Variants in PLEKHG6 observed in about 807,000 individuals in gnomAD.
PLEKHG6 encodes the protein pleckstrin homology domain-containing family G member 6.
PLEKHG6 carries 91 observed loss-of-function variants against 97.5 expected under a neutral mutation model. The observed-to-expected ratio is 0.93, with a 90% CI of 0.79 to 1.11. The LOEUF is 1.11. PLEKHG6 is among the 50% of genes most tolerant of loss of function. The pLI, the probability that PLEKHG6 is intolerant of heterozygous loss-of-function variation, is 0.00. For synonymous variants in PLEKHG6, 466 were observed against 425.5 expected, an observed-to-expected ratio of 1.10 and a Z score of -1.17; for missense variants, 1,044 against 1,031.0, an observed-to-expected ratio of 1.01 and a Z score of -0.17.
intron 13 of PLEKHG6, among the ~76,000 whole-genome samples, chr12:6,319,975 C>A (rs79802008): frequency 5.3e-4 from 81 of 152,198 alleles, no homozygotes; most frequent in African/African-American, 1.6e-3. Flanking sequence ...GGGAGGATAC[C>A]TAGGAGTATG....
intron 2 of PLEKHG6, chr12:6,312,577 C>T (rs954948797): frequency 7.7e-5 from 96 of 1,250,080 alleles, no homozygotes; most frequent in Non-Finnish European, 9.5e-5. Flanking sequence ...GCAGGAGAGG[C>T]GGAGCCAGGA....
In PLEKHG6 at chr12:6,315,797, TGGTGGGG is replaced by T; in HGVS notation, c.556-65_556-59del. 1 of 1,366,218 alleles carries T rather than the reference TGGTGGGG, an allele frequency of 7.3e-7. No homozygotes were observed. Among genetic ancestry groups the T allele is most frequent in the Non-Finnish European group, 1.0e-6 (1 of 988,966 alleles). The allele number at this position is 1,366,218 out of a possible 1,614,324, so 84.6% of individuals were successfully genotyped here. On this transcript the variant is annotated intron_variant, in intron 5 of 15. Coordinates refer to ENST00000684764, the MANE Select transcript of PLEKHG6 (RefSeq NM_001384598.1). This position sits in a 1 kb window ranked among gnomAD's most constrained non-coding sequence, Gnocchi z 4.5. ...GGAGATAGGTCAGCAGTACTGAAGT[TGGTGGGG>T]GGTGGGAGGTGACGACACTGAAGGG...
In PLEKHG6 at chr12:6,317,581, T is replaced by G. The variant is rs141245660; in HGVS notation, c.902T>G (p.Met301Arg). The change falls in exon 9 of 16, where the codon ATG becomes AGG. Residue 301 changes from methionine (M) to arginine (R), a missense_variant. Met to Arg is a moderately conservative substitution (Grantham distance 91). Transcript: ENST00000684764. ...CEKHKRSGRQ[M>R]LCDLLIKPHQ... ...AAGCACAAGCGCTCTGGGAGGCAGA[T>G]GCTCTGTGACTTGCTTATCAAGCCC... The G allele has an allele frequency of 4.8e-4, 767 of 1,613,738 alleles. 12 individuals are homozygous for G. In the East Asian group the frequency reaches 0.016, roughly 33 times the overall value.
chr12:6,316,541 A>C lies in PLEKHG6; in HGVS notation c.756+137A>C. The C allele has an allele frequency of 4.2e-6, 3 of 712,664 alleles. No homozygotes were observed. Among genetic ancestry groups the C allele is most frequent in the African/African-American group, 1.8e-5 (1 of 55,306 alleles). The allele number at this position is 712,664 out of a possible 1,614,324, so 44.1% of individuals were successfully genotyped here. ...GGACACAGCCCCTACCCCTAATATC[A>C]CCTCACCTCCTCCCTTCATGCCACA... On this transcript the variant is annotated intron_variant, in intron 7 of 15. Coordinates refer to ENST00000684764, the MANE Select transcript of PLEKHG6 (RefSeq NM_001384598.1). This position sits in a 1 kb window ranked among gnomAD's most constrained non-coding sequence, Gnocchi z 4.1.
At chr12:6,318,075 A>G in intron 10 of PLEKHG6, 81 bp downstream of exon 10, 2 of 1,461,768 alleles carry the variant, frequency 1.4e-6, no homozygotes, top group Non-Finnish European at 9.2e-7. Flanking sequence ...AGGCCAGAAC[A>G]CCCCGTACTT....
intron 10 of PLEKHG6, 41 bp downstream of exon 10, chr12:6,318,035 C>A: frequency 6.5e-7 from 1 of 1,548,762 alleles, no homozygotes; most frequent in Non-Finnish European, 8.7e-7. Flanking sequence ...AAGCAAGGTC[C>A]CAGGGATACT....
In PLEKHG6 at chr12:6,319,213, T is replaced by C. The variant is rs957462253; in HGVS notation, c.1524+105T>C. ...CTGTAATCTCAGCACTTTGGGAGGC[T>C]GAGGCAGGTGGATCACCTGAGGTCA... On this transcript the variant is annotated intron_variant, in intron 13 of 15. Coordinates refer to ENST00000684764, the MANE Select transcript of PLEKHG6 (RefSeq NM_001384598.1). The C allele has an allele frequency of 2.2e-5, 16 of 743,550 alleles. No homozygotes were observed. In the African/African-American group the frequency reaches 2.5e-4, roughly 11 times the overall value. 46.1% of individuals were successfully genotyped at this position (743,550 alleles called of 1,614,324 possible). A position where few individuals can be genotyped will look rare whatever the true frequency, so the allele number is the denominator to read the frequency against.
chr12:6,312,705 T>C, intron 2 of PLEKHG6: 4 of 1,170,392 alleles, frequency 3.4e-6, no homozygotes, highest in Non-Finnish European at 4.2e-6. Flanking sequence ...GGCAGGAGTT[T>C]GAGGCCTTCC....
rs760331197 is a variant in PLEKHG6 at position 6,319,070 on chromosome 12, G to C, written c.1486G>C (p.Asp496His). The change falls in exon 13 of 16, where the codon GAC (aspartate) becomes CAC (histidine). Residue 496 changes from aspartate (D) to histidine (H), a missense_variant. Transcript: ENST00000684764. The part of the protein sequence containing the change: ...ALLVHCPSPT[D>H]RAQWLEKTQQ... ...CCTTGTGCACTGTCCCAGTCCTACA[G>C]ACCGTGCCCAGTGGCTGGAGAAGAC... The C allele has an allele frequency of 6.2e-7, 1 of 1,610,558 alleles. No homozygotes were observed. The highest frequency in any genetic ancestry group is 8.5e-7 in the Non-Finnish European group (1 of 1,177,144).
Position 6,312,316 on chromosome 12 carries a change from T to G in PLEKHG6, c.90T>G (p.Ser30=). The part of the protein sequence containing the change: ...IETYGGRHRA[S]AQSTAGRLYP... ...CTTATGGGGGCCGGCATCGAGCCTC[T>G]GCTCAGAGCACTGCTGGCAGACTCT... The change falls in exon 2 of 16, where the codon TCT becomes TCG. Residue 30 remains serine (S), a synonymous_variant. Transcript: ENST00000684764. The G allele has an allele frequency of 1.3e-6, 2 of 1,575,824 alleles. No individual in the cohort carries two copies. Among genetic ancestry groups the G allele is most frequent in the Non-Finnish European group, 1.7e-6 (2 of 1,165,178 alleles).
intron 13 of PLEKHG6, among the ~76,000 whole-genome samples, chr12:6,325,827 A>G (rs1430218168): frequency 6.6e-6 from 1 of 152,276 alleles, no homozygotes; most frequent in South Asian, 2.1e-4. Flanking sequence ...GAAAAGGGCC[A>G]TTCTGTTCAC....
rs1413704967 is a variant in PLEKHG6, at chr12:6,316,298, G to A, written c.650G>A (p.Arg217Gln). The A allele has an allele frequency of 9.6e-6, 15 of 1,555,604 alleles. No homozygotes were observed. The highest frequency in any genetic ancestry group is 2.7e-5 in the African/African-American group (2 of 73,358). The part of the protein sequence containing the change: ...TLFGNVPSLI[R>Q]THRSFWDEVL... Reference sequence around the variant, plus strand: ...TTTGGAAATGTCCCCAGCCTGATTCGAACCCACCGGAGCTTTTGGGATGAG... The same window carrying A: ...TTTGGAAATGTCCCCAGCCTGATTCAAACCCACCGGAGCTTTTGGGATGAG... Residue 217 changes from arginine (R) to glutamine (Q), a missense_variant, in exon 7 of 16, where the codon CGA becomes CAA. Physicochemically the swap from Arg to Gln is conservative, Grantham distance 43 (BLOSUM62 1). Transcript: ENST00000684764. The surrounding 1 kb of genome is among the most constrained non-coding windows in gnomAD (Gnocchi z 4.1).
Position 6,315,798 on chromosome 12 carries a change from G to A in PLEKHG6, c.556-71G>A. The A allele has an allele frequency of 7.3e-7, 1 of 1,369,998 alleles. No individual in the cohort carries two copies. The allele number at this position is 1,369,998 out of a possible 1,614,324, so 84.9% of individuals were successfully genotyped here. A position where few individuals can be genotyped will look rare whatever the true frequency, so the allele number is the denominator to read the frequency against. On this transcript the variant is annotated intron_variant, in intron 5 of 15. Transcript: ENST00000684764. This position sits in a 1 kb window ranked among gnomAD's most constrained non-coding sequence, Gnocchi z 4.5. ...GAGATAGGTCAGCAGTACTGAAGTTGGTGGGGGGTGGGAGGTGACGACACT... is the reference window on the plus strand; with the variant it reads ...GAGATAGGTCAGCAGTACTGAAGTTAGTGGGGGGTGGGAGGTGACGACACT...
At chr12:6,322,061 G>A (rs1947724300) in intron 13 of PLEKHG6, among the ~76,000 whole-genome samples, 1 of 152,162 alleles carries the variant, frequency 6.6e-6, no homozygotes, top group Admixed American at 6.5e-5. Flanking sequence ...ATTCGGCTTA[G>A]GCACACAGCC....
intron 13 of PLEKHG6, among the ~76,000 whole-genome samples, chr12:6,323,849 G>A (rs1188752088): frequency 6.6e-6 from 1 of 152,170 alleles, no homozygotes; most frequent in Non-Finnish European, 1.5e-5. Flanking sequence ...GTGGTCTTTG[G>A]GGCCTGGGTA....
At chr12:6,313,278 C>T (rs925053821) in intron 2 of PLEKHG6, 1 of 1,195,092 alleles carries the variant, frequency 8.4e-7, no homozygotes, top group South Asian at 1.3e-5. Flanking sequence ...ACGCCTTGTC[C>T]ATGCACCCCC....
intron 2 of PLEKHG6, chr12:6,312,767 G>C (rs903728626): frequency 8.5e-7 from 1 of 1,182,632 alleles, no homozygotes; most frequent in Admixed American, 4.0e-5. Context: ...GGTTCAGGGT[G>C]TCCCTACTCC....
chr12:6,324,946 C>G (rs79101223), intron 13 of PLEKHG6, among the ~76,000 whole-genome samples: 5,288 of 152,220 alleles, frequency 0.035, 313 homozygotes, highest in African/African-American at 0.12. Context: ...TCTGCTGTGC[C>G]AGAGGTTATC....
intron 13 of PLEKHG6, among the ~76,000 whole-genome samples, chr12:6,325,536 T>C (rs1361379628): frequency 6.6e-6 from 1 of 152,170 alleles, no homozygotes; most frequent in East Asian, 1.9e-4. Context: ...ATGCGTCCTC[T>C]CCTCAGCCTT....
Sources: gnomAD v4.1 joint callset for allele counts (sites outside exome capture counted in the v4.1 genomes callset) on GRCh38, gnomAD v4.1.1 for gene constraint, Gnocchi (gnomAD v3.1) non-coding constraint, MANE v1.5 for transcripts, NCBI Gene and HGNC (gene_info 2026-07-23, HGNC 2026-07-21) for gene names.